SOX5: variants seen among roughly 807,000 people sequenced by gnomAD.
SOX5 encodes SRY-box transcription factor 5.
A neutral mutation model predicts 92.0 loss-of-function variants in SOX5; 9 were observed. The ratio of observed to expected loss-of-function variants is 0.10; its 90% confidence interval spans 0.06 to 0.17. The LOEUF (loss-of-function observed/expected upper bound fraction) is 0.17. Among genes scored for constraint, SOX5 ranks in the 10% least tolerant of loss-of-function variants. The probability of loss-of-function intolerance (pLI) is 1.00; values close to 1 mark genes in which losing one functional copy is unlikely to be tolerated. For synonymous variants in SOX5, 344 were observed against 336.3 expected, an observed-to-expected ratio of 1.02 and a Z score of -0.25; for missense variants, 642 against 944.5, an observed-to-expected ratio of 0.68 and a Z score of 4.20.
At chr12:24,364,880 G>A (rs1956008345) in intron 2 of SOX5, among the ~76,000 whole-genome samples, 1 of 152,030 alleles carries the variant, frequency 6.6e-6, no homozygotes, top group Admixed American at 6.6e-5. Context: ...GTGGCAAACA[G>A]AGGTTTGGGG....
intron 9 of SOX5, among the ~76,000 whole-genome samples, chr12:23,587,924 G>A (rs539071526): frequency 1.3e-3 from 193 of 152,130 alleles, no homozygotes; most frequent in African/African-American, 4.5e-3. Context: ...AATGAGTTGT[G>A]TCAAAGGTTA....
intron 4 of SOX5, among the ~76,000 whole-genome samples, chr12:24,137,913 T>C (rs1950249808): frequency 6.6e-6 from 1 of 152,210 alleles, no homozygotes; most frequent in Non-Finnish European, 1.5e-5. Flanking sequence ...CCCCAATCCC[T>C]GATATGCTAT....
chr12:24,085,315 T>C (rs748637723), intron 4 of SOX5, among the ~76,000 whole-genome samples: 2 of 152,080 alleles, frequency 1.3e-5, no homozygotes, highest in Non-Finnish European at 2.9e-5. Flanking sequence ...GACTCTGCTA[T>C]ATGTGCCCCA....
intron 1 of SOX5, among the ~76,000 whole-genome samples, chr12:24,529,118 A>G (rs1950954033): frequency 6.6e-6 from 1 of 152,216 alleles, no homozygotes; most frequent in South Asian, 2.1e-4. Context: ...CATAACTGTC[A>G]CCCAAGAATC....
At chr12:24,439,636 T>C (rs1247609237) in intron 1 of SOX5, among the ~76,000 whole-genome samples, 1 of 152,192 alleles carries the variant, frequency 6.6e-6, no homozygotes, top group African/African-American at 2.4e-5. Flanking sequence ...AGCTCACGAC[T>C]GTAATCCCAG....
intron 4 of SOX5, among the ~76,000 whole-genome samples, chr12:24,107,695 A>G (rs1161238331): frequency 6.6e-6 from 1 of 152,234 alleles, no homozygotes; most frequent in Non-Finnish European, 1.5e-5. Context: ...AGACCTTGAT[A>G]TGACGAAAGG....
chr12:24,280,040 T>TAGGGACTGTGAATCTAATGGACCTAAAA (rs1462871365), intron 2 of SOX5, among the ~76,000 whole-genome samples: 8 of 152,094 alleles, frequency 5.3e-5, no homozygotes, highest in African/African-American at 1.9e-4. Flanking sequence ...TTTCTCCCAC[T>TAGGGACTGTGAATCTAATGGACCTAAAA]AGGGACTGTG....
At chr12:23,904,477 G>T (rs1050455359) in intron 1 of SOX5, among the ~76,000 whole-genome samples, 3 of 152,080 alleles carry the variant, frequency 2.0e-5, no homozygotes, top group Admixed American at 6.5e-5. Context: ...AAACTTCCTT[G>T]TAATCTTCAC....
At position 23,847,207 on chromosome 12, in the gene SOX5, A is replaced by AAAATCCTGTACCTCTCTT. The variant is rs1346181624; in HGVS notation, c.271-1015_271-1014insAAGAGAGGTACAGGATTT. 6.8e-4 allele frequency among the ~76,000 whole-genome samples: 104 copies of AAAATCCTGTACCTCTCTT among 152,228 alleles called. 2 individuals are homozygous for AAAATCCTGTACCTCTCTT. In the East Asian group the frequency reaches 0.019, roughly 28 times the overall value. On this transcript the variant is annotated intron_variant, in intron 2 of 14. Coordinates refer to ENST00000451604, the MANE Select transcript of SOX5 (RefSeq NM_006940.6). The stretch of plus-strand genomic sequence containing the variant: ...TTCCATAATCCTTTACCTCTCACAA[A>AAAATCCTGTACCTCTCTT]ACAGACATCTTAAACATAAAGCTGT...
At chr12:24,387,036 C>T (rs1566043164) in intron 1 of SOX5, among the ~76,000 whole-genome samples, 1 of 152,132 alleles carries the variant, frequency 6.6e-6, no homozygotes, top group African/African-American at 2.4e-5. Context: ...TATTTTGGCA[C>T]GGGGCCATGT....
chr12:23,705,337 T>C (rs2091248629), intron 6 of SOX5, among the ~76,000 whole-genome samples: 1 of 152,046 alleles, frequency 6.6e-6, no homozygotes, highest in African/African-American at 2.4e-5. Flanking sequence ...ACTAAACATC[T>C]GTTTAAGGTC....
chr12:23,973,166 T>C lies in SOX5; in HGVS notation c.-1-77142A>G, dbSNP rs537374592. Reference sequence around the variant, plus strand: ...CAGAATTTCTAACTTTTTTCTTTTTTTTTTTTTTTTTTTGAGACAAATTCT... The same window carrying C: ...CAGAATTTCTAACTTTTTTCTTTTTCTTTTTTTTTTTTTGAGACAAATTCT... On this transcript the variant is annotated intron_variant, in intron 4 of 4. Transcript: ENST00000446891. Among the ~76,000 whole-genome samples the C allele has an allele frequency of 1.7e-4, 26 of 148,696 alleles. No individual in the cohort carries two copies. In the East Asian group the frequency reaches 2.9e-3, roughly 17 times the overall value.
Position 24,069,281 on chromosome 12 carries a change from T to C in SOX5, c.-2+144062A>G, listed in dbSNP as rs567270586. 2.5e-3 allele frequency among the ~76,000 whole-genome samples: 386 copies of C among 152,260 alleles called. 2 individuals are homozygous for C. Among genetic ancestry groups the C allele is most frequent in the African/African-American group, 8.8e-3 (366 of 41,542 alleles). ...TTAGAAGCTCTACCTCAGAAATAGG[T>C]ATGCATCTTTTTCTCCACACCTCAA... On this transcript the variant is annotated intron_variant, in intron 4 of 4. Transcript: ENST00000446891.
intron 4 of SOX5, among the ~76,000 whole-genome samples, chr12:23,971,120 A>ATTTTT (rs1460686832): frequency 6.9e-5 from 1 of 14,516 alleles, no homozygotes; most frequent in African/African-American, 2.2e-4. Context: ...GTGTCAGCTG[A>ATTTTT]CTTTTTTTTT....
At chr12:24,208,295 T>C (rs1443099804) in intron 4 of SOX5, among the ~76,000 whole-genome samples, 2 of 152,202 alleles carry the variant, frequency 1.3e-5, no homozygotes, top group Non-Finnish European at 2.9e-5. Flanking sequence ...ATCATCACCC[T>C]ACTTTCCCAA....
chr12:23,766,436 T>C (rs1345935046), intron 3 of SOX5, among the ~76,000 whole-genome samples: 2 of 152,166 alleles, frequency 1.3e-5, no homozygotes, highest in African/African-American at 4.8e-5. Flanking sequence ...TTTCTTAAAA[T>C]GCAAAATTCC....
intron 4 of SOX5, among the ~76,000 whole-genome samples, chr12:23,984,313 G>T (rs1007853196): frequency 6.6e-6 from 1 of 152,128 alleles, no homozygotes; most frequent in Non-Finnish European, 1.5e-5. Flanking sequence ...GATTAAAAGG[G>T]CCTACAAGAA....
chr12:23,565,286 C>A (rs1341796691), intron 10 of SOX5, among the ~76,000 whole-genome samples: 2 of 152,146 alleles, frequency 1.3e-5, no homozygotes, highest in Non-Finnish European at 2.9e-5. Flanking sequence ...TGAACTTGTT[C>A]ATGAACAATA....
intron 3 of SOX5, chr12:24,277,105 A>G (rs1231247060): frequency 6.6e-6 from 1 of 152,042 alleles, no homozygotes; most frequent in Non-Finnish European, 1.5e-5. Context: ...TATGTTTTAT[A>G]TATTTTTACT....
Sources: allele counts gnomAD v4.1 joint callset (sites outside exome capture counted in the v4.1 genomes callset), GRCh38; gene constraint gnomAD v4.1.1; transcripts MANE v1.5; gene names NCBI Gene and HGNC (gene_info 2026-07-23, HGNC 2026-07-21).